The following MECOM variants were observed in gnomAD, a reference collection of about 807,000 sequenced individuals.
MECOM encodes histone-lysine N-methyltransferase MECOM.
MECOM carries 13 observed loss-of-function variants against 116.3 expected under a neutral mutation model. The observed-to-expected ratio is 0.11, with a 90% CI of 0.07 to 0.18. MECOM has a LOEUF of 0.18. Ranked by LOEUF, MECOM falls within the 10% of genes least tolerant of loss-of-function variation. The pLI is 1.00. For missense variants in MECOM, 1,299 were observed against 1,509.0 expected, an observed-to-expected ratio of 0.86 and a Z score of 2.31; for synonymous variants, 528 against 535.2, an observed-to-expected ratio of 0.99 and a Z score of 0.19.
At chr3:169,159,406 A>G (rs1295856828) in intron 2 of MECOM, among the ~76,000 whole-genome samples, 1 of 152,052 alleles carries the variant, frequency 6.6e-6, no homozygotes, top group Non-Finnish European at 1.5e-5. Flanking sequence ...AAAAATACAA[A>G]AAATTAGCTG....
At chr3:169,598,610 A>T (rs1273255086) in intron 1 of MECOM, among the ~76,000 whole-genome samples, 6 of 152,238 alleles carry the variant, frequency 3.9e-5, no homozygotes. Flanking sequence ...ACCTTGAACT[A>T]GCCATGGGAT....
At chr3:169,210,651 C>T (rs1750595897) in intron 2 of MECOM, among the ~76,000 whole-genome samples, 1 of 152,106 alleles carries the variant, frequency 6.6e-6, no homozygotes, top group African/African-American at 2.4e-5. Flanking sequence ...ACAATTCATT[C>T]ACATTAAGTA....
At chr3:169,273,375 T>G (rs1388279570) in intron 2 of MECOM, among the ~76,000 whole-genome samples, 1 of 152,204 alleles carries the variant, frequency 6.6e-6, no homozygotes, top group Admixed American at 6.5e-5. Context: ...TTACCTTTGT[T>G]GCAGTCGCTG....
intron 1 of MECOM, among the ~76,000 whole-genome samples, chr3:169,453,524 C>T (rs867745869): frequency 2.0e-5 from 3 of 152,128 alleles, no homozygotes; most frequent in Non-Finnish European, 4.4e-5. Flanking sequence ...CAGAAAACTG[C>T]TTCTGCAATA....
At chr3:169,555,647 T>G (rs959735230) in intron 1 of MECOM, among the ~76,000 whole-genome samples, 2 of 152,244 alleles carry the variant, frequency 1.3e-5, no homozygotes, top group African/African-American at 4.8e-5. Context: ...GTCTGTGTCC[T>G]GTTCTCAGAA....
At chr3:169,264,034 C>T (rs963495539) in intron 2 of MECOM, among the ~76,000 whole-genome samples, 2 of 152,060 alleles carry the variant, frequency 1.3e-5, no homozygotes, top group African/African-American at 2.4e-5. Flanking sequence ...AATATGATCA[C>T]TTCCATACAG....
intron 2 of MECOM, among the ~76,000 whole-genome samples, chr3:169,286,210 C>G (rs1047091012): frequency 6.6e-6 from 1 of 152,060 alleles, no homozygotes; most frequent in African/African-American, 2.4e-5. Context: ...ACAGAATGAA[C>G]GTATTTCTTG....
At chr3:169,340,411 G>C (rs1393442424) in intron 2 of MECOM, among the ~76,000 whole-genome samples, 1 of 152,104 alleles carries the variant, frequency 6.6e-6, no homozygotes, top group East Asian at 1.9e-4. Flanking sequence ...GCTGTGGTTT[G>C]GATTTATTTT....
chr3:169,452,645 T>C lies in MECOM; in HGVS notation c.38-71121A>G, dbSNP rs571842724. 2.0e-5 allele frequency among the ~76,000 whole-genome samples: 3 copies of C among 152,270 alleles called. No homozygotes were observed. In the South Asian group the frequency reaches 6.2e-4, roughly 32 times the overall value. ...ACAGTTTCAAACAACTAAAATGCAG[T>C]TCTGCGCCGGCTTCAGAGGGGCCAG... On this transcript the variant is annotated intron_variant, in intron 1 of 16. Transcript: ENST00000651503.
At chr3:169,594,337 T>G (rs1303806996) in intron 1 of MECOM, among the ~76,000 whole-genome samples, 1 of 152,070 alleles carries the variant, frequency 6.6e-6, no homozygotes, top group African/African-American at 2.4e-5. Flanking sequence ...AGCTGTGGCA[T>G]TCTTCTAATT....
chr3:169,449,795 T>C (rs1745250718), intron 1 of MECOM, among the ~76,000 whole-genome samples: 1 of 152,166 alleles, frequency 6.6e-6, no homozygotes, highest in Non-Finnish European at 1.5e-5. Flanking sequence ...CCATCAGCTG[T>C]AATTGGCTGA....
chr3:169,167,942 C>T (rs763883582), intron 2 of MECOM, among the ~76,000 whole-genome samples: 1 of 150,698 alleles, frequency 6.6e-6, no homozygotes, highest in Non-Finnish European at 1.5e-5. Context: ...GACTCTGATT[C>T]GGTAAAAGAA....
intron 2 of MECOM, among the ~76,000 whole-genome samples, chr3:169,221,678 C>A (rs1752153184): frequency 6.6e-6 from 1 of 151,978 alleles, no homozygotes; most frequent in Non-Finnish European, 1.5e-5. Flanking sequence ...AATCTCACAA[C>A]TTTTGGCTGA....
intron 14 of MECOM, among the ~76,000 whole-genome samples, chr3:169,091,527 TATC>T (rs1719712842): frequency 6.6e-6 from 1 of 152,074 alleles, no homozygotes; most frequent in African/African-American, 2.4e-5. Context: ...ATCAAGTAAA[TATC>T]ATTATCAAAG....
chr3:169,090,018 C>G lies in MECOM; in HGVS notation c.3383G>C (p.Cys1128Ser). Residue 1128 changes from cysteine to serine, a missense_variant, in exon 15 of 17, where the codon TGC (cysteine) becomes TCC (serine). By Grantham distance (112) the Cys-to-Ser change is moderately radical (BLOSUM62 -1). Around this residue, in one of 6 missense-constraint regions of MECOM, gnomAD observed 273 missense variants for 289.3 expected, o/e 0.94. Transcript: ENST00000651503. ...TACTCACCTCACTGGGGATGTCTTG[C>G]AACTCATCTCCAGGGCACTGGTTTC... ...YEETSALEMSCKTSPVRYKEE... is the reference protein window; with the variant it reads ...YEETSALEMSSKTSPVRYKEE... The G allele has an allele frequency of 1.9e-6, 3 of 1,613,260 alleles. No homozygotes were observed. Among genetic ancestry groups the G allele is most frequent in the Non-Finnish European group, 2.5e-6 (3 of 1,179,476 alleles).
At chr3:169,472,852 T>C in intron 1 of MECOM, 1 of 392,524 alleles carries the variant, frequency 2.5e-6, no homozygotes, top group Non-Finnish European at 3.5e-6. Context: ...GACATAAAGT[T>C]CAAAGACAAG....
At chr3:169,477,169 T>G (rs1750627783) in intron 1 of MECOM, 1 of 131,998 alleles carries the variant, frequency 7.6e-6, no homozygotes, top group African/African-American at 2.9e-5. Context: ...ACAATTTCAT[T>G]TGCAATAGGA....
intron 2 of MECOM, among the ~76,000 whole-genome samples, chr3:169,333,186 T>C (rs1723035643): frequency 6.6e-6 from 1 of 152,170 alleles, no homozygotes; most frequent in South Asian, 2.1e-4. Flanking sequence ...TTCATCAGGA[T>C]TGGCTGAAGC....
At chr3:169,260,037 C>T (rs776715648) in intron 2 of MECOM, among the ~76,000 whole-genome samples, 27 of 152,040 alleles carry the variant, frequency 1.8e-4, no homozygotes, top group East Asian at 3.9e-4. Flanking sequence ...CACAGAGCAA[C>T]GATTTAAATG....
Sources: allele counts gnomAD v4.1 joint callset (sites outside exome capture counted in the v4.1 genomes callset), GRCh38; gene constraint gnomAD v4.1.1; regional missense constraint gnomAD v4.1.1; transcripts MANE v1.5; gene names NCBI Gene and HGNC (gene_info 2026-07-23, HGNC 2026-07-21).